Variants in HOXC4 observed in about 807,000 individuals in gnomAD.
The protein encoded by HOXC4 is homeobox protein Hox-C4.
HOXC4 carries 15 observed loss-of-function variants against 25.5 expected under a neutral mutation model. The ratio of observed to expected loss-of-function variants is 0.59; its 90% CI spans 0.39 to 0.91. HOXC4 has a LOEUF of 0.91. HOXC4 is among the 40% of genes least tolerant of loss of function. The pLI is 0.00. For missense variants in HOXC4, 342 were observed against 352.4 expected (o/e 0.97, Z 0.24); for synonymous variants, 165 against 148.0 (o/e 1.11, Z -0.83).
At chr12:54,028,640 A>G in intron 1 of HOXC4, 3 of 1,613,958 alleles carry the variant, frequency 1.9e-6, no homozygotes, top group African/African-American at 1.3e-5. Flanking sequence ...TTCTCGACCT[A>G]TGGAGCGGCC....
chr12:54,028,877 G>C, intron 1 of HOXC4: 2 of 1,613,620 alleles, frequency 1.2e-6, no homozygotes, highest in Non-Finnish European at 1.7e-6. Context: ...CAGAAAGCCA[G>C]TATCCAGATT....
chr12:54,038,601 T>C (rs758441627), intron 1 of HOXC4, among the ~76,000 whole-genome samples: 1 of 152,172 alleles, frequency 6.6e-6, no homozygotes, highest in Admixed American at 6.5e-5. Context: ...ACTACCAGGC[T>C]TGGATGGGCA....
rs1937916757 is a variant in HOXC4 at position 54,054,250 on chromosome 12, C to G, written c.328C>G (p.Pro110Ala). The change falls in exon 1 of 2, where the codon CCG becomes GCG. Residue 110 changes from proline to alanine, a missense_variant. By Grantham distance (27) the Pro-to-Ala change is conservative. Coordinates refer to ENST00000430889, the MANE Select transcript of HOXC4 (RefSeq NM_153633.3). ...GCCTCTCTCAGGCGCCTCCGCCTCC[C>G]CGTCCCCAGCCCCGCCAGCCTGCAG... ...PAPLSGASASPSPAPPACSQP... is the reference protein window; with the variant it reads ...PAPLSGASASASPAPPACSQP... 1 of 1,610,752 alleles carries G rather than the reference C, an allele frequency of 6.2e-7. No individual in the cohort carries two copies. The highest frequency in any genetic ancestry group is 8.5e-7 in the Non-Finnish European group (1 of 1,178,624).
chr12:54,049,502 C>A (rs1472549009), upstream of HOXC4, among the ~76,000 whole-genome samples: 1 of 149,320 alleles, frequency 6.7e-6, no homozygotes, highest in African/African-American at 2.5e-5. Context: ...AGAAATTCAT[C>A]TTTAATATTT....
chr12:54,055,295 T>C lies in HOXC4; in HGVS notation c.*90T>C, dbSNP rs962134549. The C allele has an allele frequency of 2.7e-5, 7 of 258,540 alleles. No individual in the cohort carries two copies. Among genetic ancestry groups the C allele is most frequent in the African/African-American group, 1.8e-4 (7 of 38,112 alleles). The allele number at this position is 258,540 out of a possible 1,614,324, so 16.0% of individuals were successfully genotyped here. On this transcript the variant is annotated 3_prime_UTR_variant, in exon 2 of 2. Coordinates refer to ENST00000430889, the MANE Select transcript of HOXC4 (RefSeq NM_153633.3). The stretch of plus-strand genomic sequence containing the variant: ...TTATTTATAGAATTTAATATATATA[T>C]ATATATATATATATATAGGTTCTTT...
intron 1 of HOXC4, chr12:54,017,533 GTAGT>G (rs1442184993): frequency 2.0e-5 from 3 of 152,002 alleles, no homozygotes; most frequent in East Asian, 1.9e-4. Flanking sequence ...GGGTGGGCGC[GTAGT>G]TAATTATGGG....
intron 1 of HOXC4, chr12:54,034,200 G>A (rs1941110892): frequency 3.7e-6 from 5 of 1,339,484 alleles, no homozygotes; most frequent in South Asian, 3.5e-5. Context: ...GCGGGTGGGG[G>A]CCTGGGCTGG....
At chr12:54,028,867 C>T in intron 1 of HOXC4, 1 of 1,613,880 alleles carries the variant, frequency 6.2e-7, no homozygotes, top group Non-Finnish European at 8.5e-7. Flanking sequence ...GCCCCAGGAC[C>T]AGAAAGCCAG....
chr12:54,031,088 T>C (rs10876530), intron 1 of HOXC4, among the ~76,000 whole-genome samples: 60,373 of 152,174 alleles, frequency 0.4, 12,256 homozygotes, highest in East Asian at 0.63. Flanking sequence ...CGGGGGGAGC[T>C]GGGATCAGTC....
intron 1 of HOXC4, among the ~76,000 whole-genome samples, chr12:54,022,906 G>A (rs1413929324): frequency 6.6e-6 from 1 of 152,194 alleles, no homozygotes; most frequent in African/African-American, 2.4e-5. Context: ...GGGATCCTTT[G>A]ACCCAGTGCA....
At chr12:54,029,592 G>A in intron 1 of HOXC4, 1 of 1,540,720 alleles carries the variant, frequency 6.5e-7, no homozygotes, top group Non-Finnish European at 8.8e-7. Context: ...TTTGCTAGGC[G>A]AAACAGTCTG....
rs770602839 is a variant in HOXC4 at position 54,053,976 on chromosome 12, T to G, written c.54T>G (p.Pro18=). The G allele has an allele frequency of 1.9e-6, 3 of 1,613,824 alleles. No individual in the cohort carries two copies. In the African/African-American group the frequency reaches 4.0e-5, roughly 22 times the overall value. Residue 18 remains proline, a synonymous_variant, in exon 1 of 2, where the codon CCT becomes CCG. Coordinates refer to ENST00000430889, the MANE Select transcript of HOXC4 (RefSeq NM_153633.3). ...CTAACTACATCGATCCGAAATTTCC[T>G]CCATGCGAAGAATATTCGCAAAATA... is the stretch of plus-strand genomic sequence containing the variant. ...MDSNYIDPKF[P]PCEEYSQNSY...
At chr12:54,036,488 C>CA (rs1941186946) in intron 1 of HOXC4, among the ~76,000 whole-genome samples, 1 of 152,144 alleles carries the variant, frequency 6.6e-6, no homozygotes, top group Admixed American at 6.5e-5. Context: ...CTAAGCTACC[C>CA]ATCAGTCATT....
At chr12:54,035,620 G>A (rs1367665657) in intron 1 of HOXC4, among the ~76,000 whole-genome samples, 5 of 152,174 alleles carry the variant, frequency 3.3e-5, no homozygotes, top group African/African-American at 1.2e-4. Context: ...AGGCCTTCAC[G>A]CCTCTGCACT....
chr12:54,033,392 A>T (rs944503999), intron 1 of HOXC4: 1 of 1,612,630 alleles, frequency 6.2e-7, no homozygotes, highest in Admixed American at 1.7e-5. Flanking sequence ...GCAGAGACGA[A>T]GCGGCTCCTC....
Position 54,054,236 on chromosome 12 carries a change from G to A in HOXC4, c.314G>A (p.Gly105Asp). 1 of 1,611,306 alleles carries A rather than the reference G, an allele frequency of 6.2e-7. No homozygotes were observed. The highest frequency in any genetic ancestry group is 8.5e-7 in the Non-Finnish European group (1 of 1,178,836). ...QSLCEPAPLS[G>D]ASASPSPAPP... Reference sequence around the variant, plus strand: ...CTCTGCGAGCCGGCGCCTCTCTCAGGCGCCTCCGCCTCCCCGTCCCCAGCC... The same window carrying A: ...CTCTGCGAGCCGGCGCCTCTCTCAGACGCCTCCGCCTCCCCGTCCCCAGCC... The change falls in exon 1 of 2, where the codon GGC becomes GAC. Residue 105 changes from glycine to aspartate, a missense_variant. Coordinates refer to ENST00000430889, the MANE Select transcript of HOXC4 (RefSeq NM_153633.3).
At chr12:54,018,003 G>A (rs1048218813) in intron 1 of HOXC4, among the ~76,000 whole-genome samples, 1 of 152,224 alleles carries the variant, frequency 6.6e-6, no homozygotes, top group African/African-American at 2.4e-5. Flanking sequence ...GCAGCTAGGC[G>A]GCCGGCGGGG....
intron 1 of HOXC4, chr12:54,030,919 C>G (rs1940961878): frequency 6.6e-6 from 1 of 152,314 alleles, no homozygotes; most frequent in South Asian, 2.1e-4. Flanking sequence ...CCCTGCAAGC[C>G]CCCAGCCCTC....
chr12:54,038,627 G>A (rs568809371), intron 1 of HOXC4, among the ~76,000 whole-genome samples: 4 of 152,286 alleles, frequency 2.6e-5, no homozygotes, highest in Admixed American at 2.0e-4. Flanking sequence ...CTCAGCCTCC[G>A]TAGTTTGGCA....
Sources: gnomAD v4.1 joint callset for allele counts (sites outside exome capture counted in the v4.1 genomes callset) on GRCh38, gnomAD v4.1.1 for gene constraint, MANE v1.5 for transcripts, NCBI Gene and HGNC (gene_info 2026-07-23, HGNC 2026-07-21) for gene names.